ROBO2: variants seen among roughly 807,000 people sequenced by gnomAD.
ROBO2 encodes roundabout homolog 2.
A neutral mutation model predicts 160.8 loss-of-function variants in ROBO2; 53 were observed. The observed-to-expected ratio is 0.33, with a 90% CI of 0.26 to 0.41. ROBO2 has a LOEUF of 0.41. Among genes scored for constraint, ROBO2 ranks in the 10% least tolerant of loss-of-function variants. ROBO2 has a pLI of 1.00. For synonymous variants in ROBO2, 664 were observed against 611.7 expected (o/e 1.09, Z -1.26); for missense variants, 1,577 against 1,722.4 (o/e 0.92, Z 1.49).
At chr3:76,026,473 A>T (rs1163007724) in intron 2 of ROBO2, among the ~76,000 whole-genome samples, 1 of 151,960 alleles carries the variant, frequency 6.6e-6, no homozygotes, top group Non-Finnish European at 1.5e-5. Flanking sequence ...AAACTCACTT[A>T]AGAGGAATGT....
chr3:77,012,683 C>T (rs2061992697), intron 2 of ROBO2, among the ~76,000 whole-genome samples: 1 of 152,180 alleles, frequency 6.6e-6, no homozygotes. Flanking sequence ...TGATTCCCAA[C>T]TTTGGCTGAT....
At chr3:77,568,885 T>C (rs143236303) in intron 13 of ROBO2, among the ~76,000 whole-genome samples, 1 of 152,154 alleles carries the variant, frequency 6.6e-6, no homozygotes, top group East Asian at 1.9e-4. Context: ...TCTGGACCTT[T>C]TATATGAGTA....
chr3:77,617,873 G>T, intron 22 of ROBO2, 100 bp downstream of exon 23: 1 of 1,274,516 alleles, frequency 7.8e-7, no homozygotes, highest in Non-Finnish European at 1.1e-6. Context: ...ACACAGCTAG[G>T]GTTAAAAGTG....
In ROBO2 at chr3:77,090,323, CTTTTTTTTTTTTTTTTTTTTTTTTTTTT is replaced by C. The variant is rs542280937; in HGVS notation, c.62-7670_62-7643del. On this transcript the variant is annotated intron_variant, in intron 1 of 25. Coordinates refer to ENST00000461745, the Ensembl canonical transcript of ROBO2. ...ATTTCTTTTAATCTTCTAAACCACTCTTTTTTTTTTTTTTTTTTTTTTTTTTTTTTTTTTTTTTTTTTTTTTTTGAGAC... is the reference window on the plus strand; with the variant it reads ...ATTTCTTTTAATCTTCTAAACCACTCTTTTTTTTTTTTTTTTTTTTGAGAC... 8.0e-3 allele frequency among the ~76,000 whole-genome samples: 568 copies of C among 70,720 alleles called. 8 individuals carry two copies. The highest frequency in any genetic ancestry group is 0.012 in the Non-Finnish European group (458 of 36,716). The allele number at this position is 70,720 out of a possible 152,430, so 46.4% of individuals were successfully genotyped here. A position where few individuals can be genotyped will look rare whatever the true frequency, so the allele number is the denominator to read the frequency against.
chr3:77,620,099 CT>C (rs1482228441), intron 22 of ROBO2, among the ~76,000 whole-genome samples: 2 of 152,142 alleles, frequency 1.3e-5, no homozygotes, highest in Non-Finnish European at 2.9e-5. Context: ...AGAGGACACC[CT>C]GTTTCTTCTT....
chr3:76,396,448 A>G (rs1269313705), intron 2 of ROBO2, among the ~76,000 whole-genome samples: 3 of 152,196 alleles, frequency 2.0e-5, no homozygotes, highest in African/African-American at 7.2e-5. Flanking sequence ...CTCCTATTCA[A>G]CATAGTGTTG....
intron 22 of ROBO2, among the ~76,000 whole-genome samples, chr3:77,618,355 T>C (rs1325934133): frequency 6.6e-6 from 1 of 152,092 alleles, no homozygotes; most frequent in Non-Finnish European, 1.5e-5. Flanking sequence ...AAATCAAAAA[T>C]TTCACATTTC....
intron 20 of ROBO2, chr3:77,602,808 G>A (rs1043192720): frequency 1.5e-5 from 7 of 479,968 alleles, no homozygotes; most frequent in Non-Finnish European, 8.1e-6. Flanking sequence ...TTAGGGCAGG[G>A]TAGACAAAAC....
In ROBO2 at chr3:75,929,001, GATAGCTCA is replaced by G. The variant is rs1482389026; in HGVS notation, c.-13-8479_-13-8472del. Among the ~76,000 whole-genome samples, 20 of 146,402 alleles carry G rather than the reference GATAGCTCA, an allele frequency of 1.4e-4. 2 individuals carry two copies. The highest frequency in any genetic ancestry group is 3.4e-4 in the Admixed American group (5 of 14,724). ...CGTACGTGTGTGTGTGTGTGTGTGT[GATAGCTCA>G]TGATTATAGAATGATCTATGTACTT... On this transcript the variant is annotated intron_variant, in intron 1 of 26. Transcript: ENST00000487694.
Position 75,933,379 on chromosome 3 carries a change from T to C in ROBO2, c.-13-4102T>C, listed in dbSNP as rs1441812074. On this transcript the variant is annotated intron_variant, in intron 1 of 26. Transcript: ENST00000487694. ...AAAAGGGTGATCAGAGAGGTTGCTT[T>C]ATAATGGAGAAGTTGAACAAACGGA... 5.9e-5 allele frequency among the ~76,000 whole-genome samples: 9 copies of C among 152,136 alleles called. No homozygotes were observed. The South Asian group carries it at 1.9e-3, about 32-fold the overall frequency.
intron 1 of ROBO2, among the ~76,000 whole-genome samples, chr3:75,913,755 A>G (rs973523698): frequency 6.6e-6 from 1 of 152,242 alleles, no homozygotes; most frequent in Non-Finnish European, 1.5e-5. Flanking sequence ...GTTCTTGTTT[A>G]CAAAATCTCA....
chr3:75,940,785 CAT>C (rs1948019391), intron 2 of ROBO2, among the ~76,000 whole-genome samples: 2 of 152,092 alleles, frequency 1.3e-5, no homozygotes, highest in Admixed American at 6.6e-5. Flanking sequence ...ACTGAACTGA[CAT>C]ATAATAAGCA....
intron 2 of ROBO2, among the ~76,000 whole-genome samples, chr3:77,446,380 T>C (rs896583782): frequency 6.6e-6 from 1 of 152,060 alleles, no homozygotes; most frequent in Non-Finnish European, 1.5e-5. Flanking sequence ...AATAACAATT[T>C]GAAAGGATAT....
At chr3:76,214,195 C>A (rs1189387683) in intron 2 of ROBO2, among the ~76,000 whole-genome samples, 5 of 152,182 alleles carry the variant, frequency 3.3e-5, no homozygotes, top group East Asian at 3.9e-4. Context: ...ATAATTTCTC[C>A]AGCATGATAC....
intron 2 of ROBO2, among the ~76,000 whole-genome samples, chr3:76,456,437 G>T (rs1266461994): frequency 6.6e-6 from 1 of 152,134 alleles, no homozygotes; most frequent in Non-Finnish European, 1.5e-5. Context: ...ACTGACTAAT[G>T]CAATTAACAA....
At chr3:76,054,443 A>G (rs1000928122) in intron 2 of ROBO2, among the ~76,000 whole-genome samples, 1 of 152,164 alleles carries the variant, frequency 6.6e-6, no homozygotes, top group Non-Finnish European at 1.5e-5. Flanking sequence ...ACGGTCAACT[A>G]AAGTTAACTA....
intron 2 of ROBO2, among the ~76,000 whole-genome samples, chr3:77,279,449 T>C (rs2060105265): frequency 6.6e-6 from 1 of 152,162 alleles, no homozygotes; most frequent in African/African-American, 2.4e-5. Context: ...TGAATATGCA[T>C]AGTAGAAAAT....
chr3:76,175,145 T>C (rs1043480696), intron 2 of ROBO2, among the ~76,000 whole-genome samples: 5 of 152,106 alleles, frequency 3.3e-5, no homozygotes, highest in Admixed American at 3.3e-4. Context: ...AGTTCACTCA[T>C]GATATGGCTC....
At chr3:76,075,470 C>CTTTTTT (rs1192962570) in intron 2 of ROBO2, among the ~76,000 whole-genome samples, 9 of 76,944 alleles carry the variant, frequency 1.2e-4, no homozygotes, top group African/African-American at 6.4e-4. Flanking sequence ...AAGACTTTTC[C>CTTTTTT]TATTTTTTTT....
Sources: gnomAD v4.1 joint callset for allele counts (sites outside exome capture counted in the v4.1 genomes callset) on GRCh38, gnomAD v4.1.1 for gene constraint, MANE v1.5 for transcripts, NCBI Gene and HGNC (gene_info 2026-07-23, HGNC 2026-07-21) for gene names.